GALNT12: variants seen among roughly 807,000 people sequenced by gnomAD.
The protein encoded by GALNT12 is UDP-GalNAc:polypeptide N-acetylgalactosaminyltransferase 12.
In GALNT12, 45 loss-of-function variants were observed where a neutral mutation model predicts 55.5. That is an observed-to-expected ratio of 0.81 (90% confidence interval 0.64 to 1.04). The LOEUF (loss-of-function observed/expected upper bound fraction) is 1.04, where lower values mean the gene tolerates loss of function less well. GALNT12 is among the 50% of genes least tolerant of loss of function. GALNT12 has a pLI of 0.00. For missense variants in GALNT12, 709 were observed against 754.8 expected, an observed-to-expected ratio of 0.94 and a Z score of 0.71; for synonymous variants, 304 against 312.2, an observed-to-expected ratio of 0.97 and a Z score of 0.28.
At chr9:98,847,844 C>T (rs868067203) in intron 9 of GALNT12, among the ~76,000 whole-genome samples, 1 of 141,958 alleles carries the variant, frequency 7.0e-6, no homozygotes, top group Non-Finnish European at 1.5e-5. Context: ...GAGACGGAGC[C>T]TTGCTCCACC....
At chr9:98,822,529 A>G (rs1181546661) in intron 1 of GALNT12, among the ~76,000 whole-genome samples, 1 of 152,176 alleles carries the variant, frequency 6.6e-6, no homozygotes, top group African/African-American at 2.4e-5. Flanking sequence ...TGACTACCAC[A>G]TCTTGGGGGG....
At position 98,808,475 on chromosome 9, in the gene GALNT12, TTC is replaced by T. The variant is rs1835426240; in HGVS notation, c.371+410_371+411del. On this transcript the variant is annotated intron_variant, in intron 1 of 9. Coordinates refer to ENST00000375011, the MANE Select transcript of GALNT12 (RefSeq NM_024642.5). The stretch of plus-strand genomic sequence containing the variant: ...TCCGGGCGGTGACCGGCTCCATTCA[TTC>T]TCTGTGTGTGCCAGGGCCTAAGGGA... 2.0e-5 allele frequency among the ~76,000 whole-genome samples: 3 copies of T among 152,266 alleles called. No homozygotes were observed. The South Asian group carries it at 6.2e-4, about 32-fold the overall frequency.
intron 3 of GALNT12, among the ~76,000 whole-genome samples, 185 bp downstream of exon 3, chr9:98,827,126 G>A (rs1298871441): frequency 6.6e-6 from 1 of 152,218 alleles, no homozygotes; most frequent in Non-Finnish European, 1.5e-5. Flanking sequence ...TTAGTGCATG[G>A]CAAGTGCCTG....
intron 1 of GALNT12, among the ~76,000 whole-genome samples, chr9:98,810,553 G>T (rs1402886708): frequency 6.6e-6 from 1 of 152,188 alleles, no homozygotes; most frequent in Non-Finnish European, 1.5e-5. Context: ...GTGCCTCCTA[G>T]ACTTTTAATG....
rs763682300 is a variant in GALNT12 at position 98,831,764 on chromosome 9, G to T, written c.732-8G>T. The T allele has an allele frequency of 5.0e-6, 8 of 1,614,070 alleles. No individual in the cohort carries two copies. The highest frequency in any genetic ancestry group is 6.8e-6 in the Non-Finnish European group (8 of 1,180,034). On this transcript the variant is annotated splice_polypyrimidine_tract_variant and splice_region_variant and intron_variant, in intron 3 of 9. Transcript: ENST00000375011. ...GGAGAGACGGATGGATGTCTTGGGT[G>T]CTTTCAGGATCCATGAAGAGGAGTC...
intron 1 of GALNT12, among the ~76,000 whole-genome samples, chr9:98,814,049 G>A (rs912504190): frequency 1.3e-5 from 2 of 152,184 alleles, no homozygotes; most frequent in Non-Finnish European, 2.9e-5. Flanking sequence ...GATGAGAACT[G>A]AGTTCAGGTT....
At chr9:98,840,852 C>T (rs988389899) in intron 7 of GALNT12, among the ~76,000 whole-genome samples, 2 of 152,282 alleles carry the variant, frequency 1.3e-5, no homozygotes, top group East Asian at 3.9e-4. Flanking sequence ...TGTACTTCAC[C>T]TCCACATTTT....
chr9:98,838,160 G>C (rs1407555469), intron 6 of GALNT12, among the ~76,000 whole-genome samples: 1 of 152,168 alleles, frequency 6.6e-6, no homozygotes, highest in African/African-American at 2.4e-5. Context: ...GAGCCTTCTT[G>C]TTAGCACCCT....
chr9:98,822,349 G>A (rs376268124), intron 1 of GALNT12, among the ~76,000 whole-genome samples: 5 of 152,290 alleles, frequency 3.3e-5, no homozygotes, highest in Middle Eastern at 3.4e-3. Flanking sequence ...AGTCAGTCCC[G>A]TGACACTGGG....
At chr9:98,847,305 A>G (rs1413904168) in intron 9 of GALNT12, 3 of 152,222 alleles carry the variant, frequency 2.0e-5, no homozygotes, top group Non-Finnish European at 4.4e-5. Flanking sequence ...TGTTGTCACT[A>G]GCAATGACAT....
rs561289379 is a variant in GALNT12 at position 98,842,579 on chromosome 9, T to A, written c.1345-1517T>A. Among the ~76,000 whole-genome samples, 249 of 152,280 alleles carry A rather than the reference T, an allele frequency of 1.6e-3. 1 individual carries two copies. Among genetic ancestry groups the A allele is most frequent in the Middle Eastern group, 3.4e-3 (1 of 294 alleles). On this transcript the variant is annotated intron_variant, in intron 7 of 9. Transcript: ENST00000375011. ...TTCTGAGGTCTTTGACACCTTACAG[T>A]GGCGTTGATAGCCTCCTTGATTCTG...
chr9:98,835,541 G>T (rs1438618532), intron 5 of GALNT12, among the ~76,000 whole-genome samples, 175 bp downstream of exon 5: 1 of 152,170 alleles, frequency 6.6e-6, no homozygotes, highest in Non-Finnish European at 1.5e-5. Context: ...TAGATTTGGG[G>T]CCAGCAAGGG....
intron 6 of GALNT12, among the ~76,000 whole-genome samples, chr9:98,838,997 C>T (rs2118463388): frequency 1.3e-5 from 2 of 152,318 alleles, no homozygotes; most frequent in South Asian, 4.1e-4. Flanking sequence ...GACTCCCACT[C>T]AGCCCCTCTC....
In GALNT12 at chr9:98,826,818, A is replaced by T. The variant is rs375844934; in HGVS notation, c.608A>T (p.Asn203Ile). The change falls in exon 3 of 10, where the codon AAC becomes ATC. Residue 203 changes from asparagine (N) to isoleucine (I), a missense_variant. Coordinates refer to ENST00000375011, the MANE Select transcript of GALNT12 (RefSeq NM_024642.5). ...GLPKVRLIRA[N>I]KREGLVRARL... ...CCCAAGGTGCGCCTGATCCGCGCCA[A>T]CAAGAGAGAGGGCCTGGTGCGAGCC... The T allele has an allele frequency of 1.2e-6, 2 of 1,612,204 alleles. No homozygotes were observed. Among genetic ancestry groups the T allele is most frequent in the Non-Finnish European group, 1.7e-6 (2 of 1,179,724 alleles).
chr9:98,849,251 G>A lies in GALNT12; in HGVS notation c.*159G>A, dbSNP rs928377527. The stretch of plus-strand genomic sequence containing the variant: ...ATTTGTGAAAGTTGTGTTGGATTTA[G>A]TAAAAATGTGAATAAGCTTTGTACT... On this transcript the variant is annotated 3_prime_UTR_variant, in exon 10 of 10. Transcript: ENST00000375011. 1.8e-5 allele frequency: 13 copies of A among 706,864 alleles called. No individual in the cohort carries two copies. The highest frequency in any genetic ancestry group is 1.8e-4 in the African/African-American group (10 of 56,198). 43.8% of individuals were successfully genotyped at this position (706,864 alleles called of 1,614,324 possible).
In GALNT12 at chr9:98,847,165, A is replaced by G. The variant is rs548832368; in HGVS notation, c.1605+1042A>G. On this transcript the variant is annotated intron_variant, in intron 9 of 9. Transcript: ENST00000375011. ...AGCATGTGAGGGAATAAATCCAAAG[A>G]AAATCATTTGAAAGAAAAAAATTCA... 2.6e-5 allele frequency: 4 copies of G among 152,332 alleles called. No homozygotes were observed. In the East Asian group the frequency reaches 5.8e-4, roughly 22 times the overall value. 9.4% of individuals were successfully genotyped at this position (152,332 alleles called of 1,614,324 possible).
At chr9:98,827,509 C>T (rs1266861323) in intron 3 of GALNT12, among the ~76,000 whole-genome samples, 4 of 152,094 alleles carry the variant, frequency 2.6e-5, no homozygotes, top group South Asian at 2.1e-4. Flanking sequence ...TGCAGAAAAC[C>T]GAGGAAGTAT....
At chr9:98,835,104 C>A in intron 4 of GALNT12, 145 bp from the exon 5 acceptor site, 1 of 740,018 alleles carries the variant, frequency 1.4e-6, no homozygotes, top group South Asian at 1.5e-5. Context: ...CCAGGCCCAG[C>A]CTAGTGTGGG....
rs769786951 is a variant in GALNT12, at chr9:98,835,328, GA to G, written c.999del (p.Val334PhefsTer77). 6.2e-7 allele frequency: 1 copy of G among 1,613,588 alleles called. No individual in the cohort carries two copies. The highest frequency in any genetic ancestry group is 1.7e-5 in the Admixed American group (1 of 60,018). On this transcript the variant is annotated frameshift_variant, in exon 5 of 10. Coordinates refer to ENST00000375011, the MANE Select transcript of GALNT12 (RefSeq NM_024642.5). LOFTEE classifies it high-confidence loss of function. ...EYLGSYDTGM[E>X]VWGGENLEFS... ...TCTGGGGTCTTATGATACAGGAATG[GA>G]AGTTTGGGGAGGAGAAAACCTCGAA...
Sources: gnomAD v4.1 joint callset for allele counts (sites outside exome capture counted in the v4.1 genomes callset) on GRCh38, gnomAD v4.1.1 for gene constraint, MANE v1.5 for transcripts, NCBI Gene and HGNC (gene_info 2026-07-23, HGNC 2026-07-21) for gene names.